THEMIS: variants seen among roughly 807,000 people sequenced by gnomAD.
The protein encoded by THEMIS is protein THEMIS.
In THEMIS, 37 loss-of-function variants were observed where a neutral mutation model predicts 52.6. The observed-to-expected ratio is 0.70, with a 90% CI of 0.54 to 0.93. The LOEUF (loss-of-function observed/expected upper bound fraction) is 0.93, where lower values mean the gene tolerates loss of function less well. Among genes scored for constraint, THEMIS ranks in the 40% least tolerant of loss-of-function variants. The probability of loss-of-function intolerance (pLI) is 0.00; values close to 1 mark genes in which losing one functional copy is unlikely to be tolerated. For missense variants in THEMIS, 808 were observed against 763.1 expected, an observed-to-expected ratio of 1.06 and a Z score of -0.69; for synonymous variants, 292 against 272.7, an observed-to-expected ratio of 1.07 and a Z score of -0.70.
chr6:127,855,475 A>G (rs190237609), intron 1 of THEMIS, among the ~76,000 whole-genome samples: 1 of 152,054 alleles, frequency 6.6e-6, no homozygotes, highest in African/African-American at 2.4e-5. Flanking sequence ...GTCAAACTAC[A>G]AACGTATCTT....
At chr6:127,771,441 A>G (rs1246446390) in intron 4 of THEMIS, among the ~76,000 whole-genome samples, 1 of 152,208 alleles carries the variant, frequency 6.6e-6, no homozygotes, top group Non-Finnish European at 1.5e-5. Flanking sequence ...ACCAAAAAAG[A>G]GCCCATATTG....
chr6:127,729,559 T>C (rs938926650), intron 4 of THEMIS, among the ~76,000 whole-genome samples: 8 of 152,276 alleles, frequency 5.3e-5, no homozygotes, highest in African/African-American at 1.7e-4. Context: ...ACTCACAAAA[T>C]GTCCAGTCCT....
intron 4 of THEMIS, among the ~76,000 whole-genome samples, chr6:127,739,886 G>A (rs1775138296): frequency 6.6e-6 from 1 of 152,214 alleles, no homozygotes; most frequent in Admixed American, 6.5e-5. Context: ...AAAATACAGA[G>A]TGGTTCTTAA....
chr6:127,872,899 TA>T (rs1356428786), intron 1 of THEMIS, among the ~76,000 whole-genome samples: 1 of 152,048 alleles, frequency 6.6e-6, no homozygotes, highest in African/African-American at 2.4e-5. Flanking sequence ...CAAAGGAATC[TA>T]AAAAAACAAA....
intron 4 of THEMIS, among the ~76,000 whole-genome samples, chr6:127,772,301 T>A (rs1054467686): frequency 1.3e-5 from 2 of 152,128 alleles, no homozygotes; most frequent in African/African-American, 4.8e-5. Flanking sequence ...TCTGCTTAAT[T>A]AAAATATTTT....
intron 2 of THEMIS, among the ~76,000 whole-genome samples, chr6:127,854,781 T>C (rs926809149): frequency 5.3e-5 from 8 of 151,856 alleles, no homozygotes; most frequent in Admixed American, 6.6e-5. Context: ...TAGTTGGAAC[T>C]CACTAAATGT....
At chr6:127,900,505 G>A (rs1781104238) in intron 1 of THEMIS, among the ~76,000 whole-genome samples, 1 of 151,878 alleles carries the variant, frequency 6.6e-6, no homozygotes, top group South Asian at 2.1e-4. Flanking sequence ...TTTTTATATT[G>A]TGGAAACATA....
intron 4 of THEMIS, among the ~76,000 whole-genome samples, chr6:127,809,377 A>C (rs1777824147): frequency 6.6e-6 from 1 of 152,192 alleles, no homozygotes; most frequent in Admixed American, 6.5e-5. Context: ...TTTTTGGAGT[A>C]GATTATGAAG....
At chr6:127,763,729 T>C (rs776128777) in intron 4 of THEMIS, among the ~76,000 whole-genome samples, 100 of 151,932 alleles carry the variant, frequency 6.6e-4, no homozygotes, top group Non-Finnish European at 1.2e-4. Context: ...GAGATGTGTA[T>C]AATATAAGTA....
intron 1 of THEMIS, among the ~76,000 whole-genome samples, chr6:127,869,391 A>G (rs1303383658): frequency 6.6e-6 from 1 of 152,220 alleles, no homozygotes; most frequent in Admixed American, 6.6e-5. Flanking sequence ...CTTCATGATC[A>G]TGTAACTGAC....
In THEMIS at chr6:127,900,766, T is replaced by C. The variant is rs566922339; in HGVS notation, c.91+76A>G. Reference sequence around the variant, plus strand: ...AGAACTCACATATTTGCTGTTAAAATTCCCCCCCTCCAATTTTCAAAAATG... The same window carrying C: ...AGAACTCACATATTTGCTGTTAAAACTCCCCCCCTCCAATTTTCAAAAATG... On this transcript the variant is annotated intron_variant, in intron 1 of 5. Coordinates refer to ENST00000368248, the MANE Select transcript of THEMIS (RefSeq NM_001010923.3). 2.4e-5 allele frequency: 30 copies of C among 1,261,054 alleles called. No homozygotes were observed. The East Asian group carries it at 2.6e-4, about 11-fold the overall frequency. 78.1% of individuals were successfully genotyped at this position (1,261,054 alleles called of 1,614,324 possible).
chr6:127,845,871 G>A (rs1779195472), intron 2 of THEMIS, among the ~76,000 whole-genome samples: 1 of 151,838 alleles, frequency 6.6e-6, no homozygotes, highest in African/African-American at 2.4e-5. Flanking sequence ...AATCCAGAAA[G>A]TCACATGAGT....
rs1448487015 is a variant in THEMIS at position 127,813,728 on chromosome 6, TC to T, written c.912del (p.Thr306ProfsTer3). 2 of 1,613,954 alleles carry T rather than the reference TC, an allele frequency of 1.2e-6. No homozygotes were observed. The highest frequency in any genetic ancestry group is 8.5e-7 in the Non-Finnish European group (1 of 1,179,938). ...NHLPQSILQPGKTIVIHKKYQ... is the reference protein window; with the variant it reads ...NHLPQSILQPXKTIVIHKKYQ... ...TACTTTTTGTGGATCACAATGGTTT[TC>T]CCAGGCTGTAAAATGCTTTGGGGCA... On this transcript the variant is annotated frameshift_variant, in exon 4 of 6. Coordinates refer to ENST00000368248, the MANE Select transcript of THEMIS (RefSeq NM_001010923.3). LOFTEE classifies it high-confidence loss of function.
Position 127,813,167 on chromosome 6 carries a change from T to C in THEMIS, c.1474A>G (p.Ile492Val), listed in dbSNP as rs749470786. Residue 492 changes from isoleucine to valine, a missense_variant, in exon 4 of 6, where the codon ATA becomes GTA. Physicochemically the swap from Ile to Val is conservative, Grantham distance 29 (BLOSUM62 3). Transcript: ENST00000368248. ...TCCGTGGGGTTGGCAAAGTCACTTA[T>C]GAGTAGGTAAGAGTCTGTAATGTCC... ...EEDITDSYLL[I>V]SDFANPTECW... 10 of 1,613,976 alleles carry C rather than the reference T, an allele frequency of 6.2e-6. No homozygotes were observed. The highest frequency in any genetic ancestry group is 1.7e-5 in the Admixed American group (1 of 59,980).
At chr6:127,747,687 T>G (rs948009858) in intron 4 of THEMIS, among the ~76,000 whole-genome samples, 1 of 151,940 alleles carries the variant, frequency 6.6e-6, no homozygotes, top group Non-Finnish European at 1.5e-5. Flanking sequence ...GATAAAGTTA[T>G]TTTTAAAAAT....
intron 3 of THEMIS, among the ~76,000 whole-genome samples, chr6:127,821,984 C>T (rs541640960): frequency 6.6e-6 from 1 of 152,098 alleles, no homozygotes; most frequent in Admixed American, 6.5e-5. Flanking sequence ...TCTAGTGCTA[C>T]AATTTCTCCC....
In THEMIS at chr6:127,813,151, T is replaced by A. The variant is rs1562273698; in HGVS notation, c.1490A>T (p.Asn497Ile). 1.2e-6 allele frequency: 2 copies of A among 1,613,946 alleles called. No individual in the cohort carries two copies. Among genetic ancestry groups the A allele is most frequent in the Non-Finnish European group, 8.5e-7 (1 of 1,179,986 alleles). Reference sequence around the variant, plus strand: ...AGGAATTTCCCAGCACTCCGTGGGGTTGGCAAAGTCACTTATGAGTAGGTA... The same window carrying A: ...AGGAATTTCCCAGCACTCCGTGGGGATGGCAAAGTCACTTATGAGTAGGTA... ...DSYLLISDFA[N>I]PTECWEIPVG... The change falls in exon 4 of 6, where the codon AAC (asparagine) becomes ATC (isoleucine). Residue 497 changes from asparagine (N) to isoleucine (I), a missense_variant. By Grantham distance (149) the Asn-to-Ile change is moderately radical (BLOSUM62 -3). Coordinates refer to ENST00000368248, the MANE Select transcript of THEMIS (RefSeq NM_001010923.3).
At chr6:127,848,178 G>GT (rs1341951792) in intron 2 of THEMIS, among the ~76,000 whole-genome samples, 6 of 148,606 alleles carry the variant, frequency 4.0e-5, no homozygotes, top group Non-Finnish European at 8.9e-5. Context: ...GCGGTGTTTG[G>GT]TTTTTTTGTC....
In THEMIS at chr6:127,914,731, T is replaced by G. The variant is rs181020970; in HGVS notation, c.-150+3697A>C. ...CATTAATATAAGGAATGAAAGGAAC[T>G]TTCAAATGTATGTAAATGACATTTG... On this transcript the variant is annotated intron_variant, in intron 1 of 6. Coordinates refer to the THEMIS transcript ENST00000368250. Among the ~76,000 whole-genome samples, 51 of 152,356 alleles carry G rather than the reference T, an allele frequency of 3.3e-4. No homozygotes were observed. The East Asian group carries it at 5.8e-3, about 17-fold the overall frequency.
Sources: allele counts gnomAD v4.1 joint callset (sites outside exome capture counted in the v4.1 genomes callset), GRCh38; gene constraint gnomAD v4.1.1; transcripts MANE v1.5; gene names NCBI Gene and HGNC (gene_info 2026-07-23, HGNC 2026-07-21).